LRIG1: variants seen among roughly 807,000 people sequenced by gnomAD.
The protein encoded by LRIG1 is leucine rich repeats and immunoglobulin like domains 1.
Under a neutral mutation model 99.2 loss-of-function variants are expected in LRIG1, and 48 were observed. That is an observed-to-expected ratio of 0.48 (90% CI 0.38 to 0.62). The LOEUF is 0.62. Ranked by LOEUF, LRIG1 falls within the 20% of genes least tolerant of loss-of-function variation. LRIG1 has a pLI of 0.00. For synonymous variants in LRIG1, 772 were observed against 596.1 expected, an observed-to-expected ratio of 1.29 and a Z score of -4.30; for missense variants, 1,646 against 1,434.4, an observed-to-expected ratio of 1.15 and a Z score of -2.38.
chr3:66,468,697 C>T (rs1350520349), intron 1 of LRIG1, among the ~76,000 whole-genome samples: 1 of 152,138 alleles, frequency 6.6e-6, no homozygotes, highest in African/African-American at 2.4e-5. Context: ...GCACTGTCAG[C>T]CACTCGTTAA....
At chr3:66,472,062 T>C (rs1470896915) in intron 1 of LRIG1, among the ~76,000 whole-genome samples, 1 of 151,972 alleles carries the variant, frequency 6.6e-6, no homozygotes, top group Non-Finnish European at 1.5e-5. Flanking sequence ...CCCAGCACTT[T>C]GGGAGGCCAA....
chr3:66,382,700 C>T (rs777776258), intron 15 of LRIG1, among the ~76,000 whole-genome samples: 2 of 152,364 alleles, frequency 1.3e-5, no homozygotes, highest in South Asian at 4.1e-4. Flanking sequence ...TACGTGGCAG[C>T]AGGGCCTGTG....
chr3:66,398,867 C>T (rs765329061), intron 10 of LRIG1, 103 bp downstream of exon 10: 2 of 927,642 alleles, frequency 2.2e-6, no homozygotes, highest in Admixed American at 2.0e-5. Flanking sequence ...TTCCAAATAG[C>T]CTGTTTCTCA....
Position 66,500,553 on chromosome 3 carries a change from G to T in LRIG1, c.-146C>A. ...CCCGCCCCAAGTTCTCTCTGCGGCC[G>T]CGGCTCCGGCACTCAGCGTGCCCCC... On this transcript the variant is annotated 5_prime_UTR_variant, in exon 1 of 19. Coordinates refer to ENST00000273261, the MANE Select transcript of LRIG1 (RefSeq NM_015541.3). 2.4e-6 allele frequency: 1 copy of T among 418,292 alleles called. No homozygotes were observed. Among genetic ancestry groups the T allele is most frequent in the East Asian group, 3.9e-5 (1 of 25,650 alleles). The allele number at this position is 418,292 out of a possible 1,614,324, so 25.9% of individuals were successfully genotyped here. A position where few individuals can be genotyped will look rare whatever the true frequency, so the allele number is the denominator to read the frequency against.
chr3:66,471,872 C>T (rs1305650002), intron 1 of LRIG1, among the ~76,000 whole-genome samples: 1 of 152,178 alleles, frequency 6.6e-6, no homozygotes, highest in African/African-American at 2.4e-5. Context: ...TTTTCCTTTC[C>T]TAAAACTTCC....
chr3:66,392,043 G>T (rs1238623013), intron 12 of LRIG1, among the ~76,000 whole-genome samples: 9 of 152,152 alleles, frequency 5.9e-5, no homozygotes, highest in Non-Finnish European at 7.3e-5. Flanking sequence ...TTCTATGAAT[G>T]GAATCATATA....
At chr3:66,496,411 A>C (rs190681146) in intron 1 of LRIG1, among the ~76,000 whole-genome samples, 13 of 152,300 alleles carry the variant, frequency 8.5e-5, no homozygotes, top group Admixed American at 8.5e-4. Context: ...ACGACAACCA[A>C]TATTATTTGC....
At chr3:66,479,499 T>C (rs1445233064) in intron 1 of LRIG1, among the ~76,000 whole-genome samples, 5 of 152,218 alleles carry the variant, frequency 3.3e-5, no homozygotes, top group African/African-American at 9.6e-5. Context: ...TCTTCTCGCC[T>C]GAGGAAGATA....
At chr3:66,484,289 T>C (rs902361205) in intron 1 of LRIG1, among the ~76,000 whole-genome samples, 20 of 152,172 alleles carry the variant, frequency 1.3e-4, no homozygotes, top group Admixed American at 6.5e-4. Flanking sequence ...CTGGTATCTG[T>C]CACGAGCATT....
rs373315537 is a variant in LRIG1 at position 66,383,217 on chromosome 3, G to T, written c.2256C>A (p.Asn752Lys). ...TPDNQLLVVQ[N>K]VVAEDAGRYT... The stretch of plus-strand genomic sequence containing the variant: ...ATCGGCCCGCATCCTCTGCCACCAC[G>T]TTCTGAACCACCAGGAGCTGGTTGT... Residue 752 changes from asparagine (N) to lysine (K), a missense_variant, in exon 15 of 19, where the codon AAC becomes AAA. Asn to Lys is a moderately conservative substitution (Grantham distance 94). Coordinates refer to ENST00000273261, the MANE Select transcript of LRIG1 (RefSeq NM_015541.3). The T allele has an allele frequency of 6.2e-7, 1 of 1,614,102 alleles. No homozygotes were observed. Among genetic ancestry groups the T allele is most frequent in the African/African-American group, 1.3e-5 (1 of 74,942 alleles).
intron 1 of LRIG1, among the ~76,000 whole-genome samples, chr3:66,499,772 G>A (rs1575740444): frequency 6.6e-6 from 1 of 152,088 alleles, no homozygotes; most frequent in African/African-American, 2.4e-5. Flanking sequence ...TTACAGGAGA[G>A]GAAAAGGAAA....
In LRIG1 at chr3:66,383,183, C is replaced by T. The variant is rs763963273; in HGVS notation, c.2290G>A (p.Glu764Lys). ...TCCGTGCCCAGGGTGTTGGACATCT[C>T]ACAGGTATATCGGCCCGCATCCTCT... is the stretch of plus-strand genomic sequence containing the variant. ...VAEDAGRYTC[E>K]MSNTLGTERA... Residue 764 changes from glutamate (E) to lysine (K), a missense_variant, in exon 15 of 19, where the codon GAG becomes AAG. By Grantham distance (56) the Glu-to-Lys change is moderately conservative. Coordinates refer to ENST00000273261, the MANE Select transcript of LRIG1 (RefSeq NM_015541.3). 3 of 1,614,134 alleles carry T rather than the reference C, an allele frequency of 1.9e-6. No individual in the cohort carries two copies. The highest frequency in any genetic ancestry group is 4.5e-5 in the East Asian group (2 of 44,884).
Position 66,381,567 on chromosome 3 carries a change from C to G in LRIG1, c.2682G>C (p.Gln894His). Reference sequence around the variant, plus strand: ...ACGCAGACCCAGCACAGAGCTTTGGCTGCCTGCAGGCAACGCTGTGAGTGT... The same window carrying G: ...ACGCAGACCCAGCACAGAGCTTTGGGTGCCTGCAGGCAACGCTGTGAGTGT... The part of the protein sequence containing the change: ...EPDTHSVACR[Q>H]PKLCAGSAYH... Residue 894 changes from glutamine to histidine, a missense_variant, in exon 17 of 19, where the codon CAG becomes CAC. Coordinates refer to ENST00000273261, the MANE Select transcript of LRIG1 (RefSeq NM_015541.3). The G allele has an allele frequency of 1.2e-6, 2 of 1,614,130 alleles. No individual in the cohort carries two copies.
chr3:66,497,364 T>C (rs1238499233), intron 1 of LRIG1, among the ~76,000 whole-genome samples: 1 of 152,140 alleles, frequency 6.6e-6, no homozygotes. Flanking sequence ...CAAAAATAAT[T>C]TCAAAGAAAG....
At chr3:66,402,322 A>G (rs1702090377) in intron 9 of LRIG1, among the ~76,000 whole-genome samples, 1 of 152,216 alleles carries the variant, frequency 6.6e-6, no homozygotes, top group African/African-American at 2.4e-5. Flanking sequence ...GTGGGTCTAC[A>G]GCAGAATCCC....
At chr3:66,492,824 G>A (rs1338810285) in intron 1 of LRIG1, among the ~76,000 whole-genome samples, 1 of 152,138 alleles carries the variant, frequency 6.6e-6, no homozygotes, top group Admixed American at 6.5e-5. Flanking sequence ...TAATAAAGAC[G>A]AAAACAATCG....
At position 66,380,634 on chromosome 3, in the gene LRIG1, G is replaced by T. The variant is rs1163864153; in HGVS notation, c.2998C>A (p.His1000Asn). The change falls in exon 18 of 19, where the codon CAC (histidine) becomes AAC (asparagine). Residue 1000 changes from histidine (H) to asparagine (N), a missense_variant. Transcript: ENST00000273261. Reference protein sequence around the residue: ...ECQGSLYPSNHDRMLTAVKKK... With the variant: ...ECQGSLYPSNNDRMLTAVKKK... ...TTCACAGCCGTCAGCATTCTATCGT[G>T]GTTACTGGGGTAGAGCGACCCTTGG... 6.2e-7 allele frequency: 1 copy of T among 1,614,198 alleles called. No individual in the cohort carries two copies.
At chr3:66,479,888 T>G (rs555421601) in intron 1 of LRIG1, among the ~76,000 whole-genome samples, 2 of 152,352 alleles carry the variant, frequency 1.3e-5, no homozygotes, top group South Asian at 4.1e-4. Flanking sequence ...GGAAACAGTC[T>G]AGCAGTTCCT....
rs1700875295 is a variant in LRIG1, at chr3:66,379,149, G to T, written c.*1114C>A. 6.6e-6 allele frequency: 1 copy of T among 152,588 alleles called. No individual in the cohort carries two copies. 9.5% of individuals were successfully genotyped at this position (152,588 alleles called of 1,614,324 possible). On this transcript the variant is annotated 3_prime_UTR_variant, in exon 19 of 19. Coordinates refer to ENST00000273261, the MANE Select transcript of LRIG1 (RefSeq NM_015541.3). ...TGTTTCTATTTAAGTTTTACTAAAT[G>T]ACACATTGGCACTCATAAGATGGTT...
Sources: gnomAD v4.1 joint callset for allele counts (sites outside exome capture counted in the v4.1 genomes callset) on GRCh38, gnomAD v4.1.1 for gene constraint, MANE v1.5 for transcripts, NCBI Gene and HGNC (gene_info 2026-07-23, HGNC 2026-07-21) for gene names.